Variants in SIL1 observed in about 807,000 individuals in gnomAD.
SIL1 encodes nucleotide exchange factor SIL1.
SIL1 carries 40 observed loss-of-function variants against 49.1 expected under a neutral mutation model. That is an observed-to-expected ratio of 0.81 (90% confidence interval 0.63 to 1.06). SIL1 has a LOEUF of 1.06. Among genes scored for constraint, SIL1 ranks in the 50% least tolerant of loss-of-function variants. The pLI is 0.00. For missense variants in SIL1, 500 were observed against 572.6 expected, an observed-to-expected ratio of 0.87 and a Z score of 1.29; for synonymous variants, 253 against 250.8, an observed-to-expected ratio of 1.01 and a Z score of -0.08.
chr5:139,107,529 C>T (rs182880572), intron 3 of SIL1, among the ~76,000 whole-genome samples: 24 of 152,326 alleles, frequency 1.6e-4, no homozygotes, highest in South Asian at 6.2e-4. Context: ...ACTATAGACT[C>T]TACTTGGATT....
intron 3 of SIL1, among the ~76,000 whole-genome samples, chr5:139,086,324 T>C (rs2151773586): frequency 6.6e-6 from 1 of 151,598 alleles, no homozygotes; most frequent in South Asian, 2.1e-4. Flanking sequence ...AAATTTAACT[T>C]CTACATAAAT....
At chr5:139,064,049 T>TC (rs546134099) in intron 3 of SIL1, among the ~76,000 whole-genome samples, 24 of 152,338 alleles carry the variant, frequency 1.6e-4, no homozygotes, top group South Asian at 1.0e-3. Flanking sequence ...AATCCTTTTT[T>TC]CCCCGTACCC....
chr5:139,169,845 C>CCTCTCCCTCTTT (rs530964526), intron 1 of SIL1, among the ~76,000 whole-genome samples: 9 of 84,204 alleles, frequency 1.1e-4, no homozygotes, highest in South Asian at 1.0e-3. Flanking sequence ...TCTCCCTCTC[C>CCTCTCCCTCTTT]CCACGGTCTC....
chr5:138,987,221 C>T lies in SIL1; in HGVS notation c.767+33950G>A, dbSNP rs571669212. On this transcript the variant is annotated intron_variant, in intron 7 of 9. Transcript: ENST00000394817. Reference sequence around the variant, plus strand: ...CTGTAATCTCCTTAAGTGATCCTCCCACCTCAGCCTCCCAAGTAGCTGGGA... The same window carrying T: ...CTGTAATCTCCTTAAGTGATCCTCCTACCTCAGCCTCCCAAGTAGCTGGGA... 6.6e-5 allele frequency among the ~76,000 whole-genome samples: 10 copies of T among 151,586 alleles called. No individual in the cohort carries two copies. In the East Asian group the frequency reaches 1.7e-3, roughly 27 times the overall value.
At chr5:139,023,672 C>T (rs1397232278) in intron 6 of SIL1, among the ~76,000 whole-genome samples, 2 of 152,180 alleles carry the variant, frequency 1.3e-5, no homozygotes, top group Non-Finnish European at 2.9e-5. Context: ...CTCCTCAAAC[C>T]ACCATTCAGT....
chr5:139,115,642 G>A (rs190274383), intron 3 of SIL1, among the ~76,000 whole-genome samples: 37 of 152,242 alleles, frequency 2.4e-4, no homozygotes, highest in South Asian at 8.3e-4. Context: ...GAGGGTTGGC[G>A]GACACACTGA....
At chr5:138,999,618 T>G in intron 7 of SIL1, among the ~76,000 whole-genome samples, 1 of 152,222 alleles carries the variant, frequency 6.6e-6, no homozygotes, top group East Asian at 1.9e-4. Flanking sequence ...TGCGCCATTA[T>G]ACTCCAGTAT....
chr5:139,060,523 ATTTTT>A (rs78155592), intron 3 of SIL1, among the ~76,000 whole-genome samples: 12 of 140,884 alleles, frequency 8.5e-5, no homozygotes, highest in African/African-American at 3.1e-4. Context: ...TAGTCCTCCA[ATTTTT>A]TTTTTTTTTT....
intron 3 of SIL1, among the ~76,000 whole-genome samples, chr5:139,104,960 G>A (rs1436072956): frequency 6.6e-6 from 1 of 152,130 alleles, no homozygotes; most frequent in Non-Finnish European, 1.5e-5. Context: ...GCTGCTTAGA[G>A]GAAAAGCGGA....
chr5:139,045,805 C>T (rs1388033520), intron 4 of SIL1, among the ~76,000 whole-genome samples: 3 of 152,036 alleles, frequency 2.0e-5, no homozygotes, highest in South Asian at 2.1e-4. Flanking sequence ...AATCTGTGCC[C>T]CTCCCTGCAC....
intron 3 of SIL1, among the ~76,000 whole-genome samples, chr5:139,106,354 A>T (rs1770712379): frequency 6.6e-6 from 1 of 152,230 alleles, no homozygotes; most frequent in South Asian, 2.1e-4. Flanking sequence ...CACTAGTCTT[A>T]TGCCTAAAAT....
At chr5:139,162,621 G>A (rs960388538) in intron 1 of SIL1, among the ~76,000 whole-genome samples, 1 of 152,188 alleles carries the variant, frequency 6.6e-6, no homozygotes, top group African/African-American at 2.4e-5. Flanking sequence ...AAGGAACAAA[G>A]CAGTAGGAAT....
intron 1 of SIL1, among the ~76,000 whole-genome samples, chr5:139,175,518 C>A (rs948363356): frequency 2.0e-5 from 3 of 152,226 alleles, no homozygotes; most frequent in Non-Finnish European, 4.4e-5. Flanking sequence ...CAAAGCAAAG[C>A]CCTAGACCTG....
At chr5:139,083,311 T>C (rs1433656719) in intron 3 of SIL1, among the ~76,000 whole-genome samples, 1 of 152,156 alleles carries the variant, frequency 6.6e-6, no homozygotes, top group Non-Finnish European at 1.5e-5. Context: ...TCAAATGTGT[T>C]CCTATTTCTC....
intron 3 of SIL1, among the ~76,000 whole-genome samples, chr5:139,052,510 C>T (rs1383707558): frequency 6.6e-6 from 1 of 152,042 alleles, no homozygotes; most frequent in Non-Finnish European, 1.5e-5. Context: ...ATGGTGAAAC[C>T]CCATCTCTAC....
At chr5:139,021,107 C>A in intron 7 of SIL1, 64 bp downstream of exon 7, 2 of 1,609,222 alleles carry the variant, frequency 1.2e-6, no homozygotes, top group Non-Finnish European at 1.7e-6. Flanking sequence ...TTCAAGTGTA[C>A]CCTTCTTCCA....
chr5:139,189,732 A>C (rs1341462053), intron 1 of SIL1, among the ~76,000 whole-genome samples: 2 of 152,106 alleles, frequency 1.3e-5, no homozygotes, highest in Non-Finnish European at 2.9e-5. Context: ...GAGGCAGGAG[A>C]ATTGCTTGAA....
At chr5:138,991,119 A>G (rs1222631676) in intron 7 of SIL1, among the ~76,000 whole-genome samples, 2 of 152,212 alleles carry the variant, frequency 1.3e-5, no homozygotes, top group Admixed American at 6.5e-5. Context: ...CCATCCTGCA[A>G]TTGCCAGTCA....
intron 7 of SIL1, among the ~76,000 whole-genome samples, chr5:138,959,744 T>C (rs1301378070): frequency 6.6e-6 from 1 of 152,206 alleles, no homozygotes; most frequent in Non-Finnish European, 1.5e-5. Flanking sequence ...TGCCCAAACC[T>C]ACCCTCAGGG....
Sources: allele counts gnomAD v4.1 joint callset (sites outside exome capture counted in the v4.1 genomes callset), GRCh38; gene constraint gnomAD v4.1.1; transcripts MANE v1.5; gene names NCBI Gene and HGNC (gene_info 2026-07-23, HGNC 2026-07-21).